Variants in CLTC observed in about 807,000 individuals in gnomAD.
The protein encoded by CLTC is clathrin heavy chain.
A neutral mutation model predicts 195.8 loss-of-function variants in CLTC; 16 were observed. The observed-to-expected ratio is 0.08, with a 90% confidence interval of 0.06 to 0.12. The LOEUF is 0.12. Among genes scored for constraint, CLTC ranks in the 10% least tolerant of loss-of-function variants. The pLI is 1.00. For synonymous variants in CLTC, 667 were observed against 689.4 expected (o/e 0.97, Z 0.51); for missense variants, 796 against 2,027.0 (o/e 0.39, Z 11.66).
At chr17:59,690,360 C>T (rs534010705) in intron 30 of CLTC, 25 of 316,034 alleles carry the variant, frequency 7.9e-5, no homozygotes, top group Non-Finnish European at 1.4e-4. Context: ...TTTCTCCCTC[C>T]CTCAGGCTGC....
At chr17:59,627,290 G>A (rs965087662) in intron 1 of CLTC, among the ~76,000 whole-genome samples, 2 of 152,142 alleles carry the variant, frequency 1.3e-5, no homozygotes, top group Admixed American at 1.3e-4. Context: ...AGTTGTTTGA[G>A]CACCTATTAC....
Position 59,668,818 on chromosome 17 carries a change from G to T in CLTC, c.2170G>T (p.Asp724Tyr). The T allele has an allele frequency of 6.2e-7, 1 of 1,612,150 alleles. No homozygotes were observed. The highest frequency in any genetic ancestry group is 1.1e-5 in the South Asian group (1 of 90,648). Residue 724 changes from aspartate to tyrosine, a missense_variant, in exon 14 of 32, where the codon GAC becomes TAC. Asp to Tyr is a radical substitution (Grantham distance 160). Transcript: ENST00000269122. ...FLGSIVNFSQ[D>Y]PDVHFKYIQA... ...GGGATCCATTGTTAACTTTAGCCAG[G>T]ACCCAGATGTGCACTTTAAATATAT...
In CLTC at chr17:59,666,037, G is replaced by T; in HGVS notation, c.1645-66G>T. 1 of 1,182,790 alleles carries T rather than the reference G, an allele frequency of 8.5e-7. No homozygotes were observed. The highest frequency in any genetic ancestry group is 1.2e-6 in the Non-Finnish European group (1 of 827,270). The allele number at this position is 1,182,790 out of a possible 1,614,324, so 73.3% of individuals were successfully genotyped here. ...ATTCTCAGGTAAAGAAAGAGTTCATGCATAATTTTGTCTACATACTCTCCA... is the reference window on the plus strand; with the variant it reads ...ATTCTCAGGTAAAGAAAGAGTTCATTCATAATTTTGTCTACATACTCTCCA... On this transcript the variant is annotated intron_variant, in intron 10 of 31. Transcript: ENST00000269122. This position sits in a 1 kb window ranked among gnomAD's most constrained non-coding sequence, Gnocchi z 4.9.
At chr17:59,659,183 T>C (rs1264071828) in intron 6 of CLTC, among the ~76,000 whole-genome samples, 1 of 152,064 alleles carries the variant, frequency 6.6e-6, no homozygotes, top group Non-Finnish European at 1.5e-5. Context: ...AATTATACAA[T>C]TATATTAGGT....
At chr17:59,669,116 G>A (rs1371859600) in intron 14 of CLTC, among the ~76,000 whole-genome samples, 176 bp downstream of exon 14, 1 of 151,922 alleles carries the variant, frequency 6.6e-6, no homozygotes. Context: ...TTGAAATACG[G>A]AAGGAAATTG....
Position 59,681,854 on chromosome 17 carries a change from C to T in CLTC, c.3442+15C>T, listed in dbSNP as rs778953370. The T allele has an allele frequency of 2.5e-6, 4 of 1,593,140 alleles. No individual in the cohort carries two copies. Among genetic ancestry groups the T allele is most frequent in the Non-Finnish European group, 3.4e-6 (4 of 1,167,872 alleles). On this transcript the variant is annotated intron_variant, in intron 21 of 31. Transcript: ENST00000269122. This position sits in a 1 kb window ranked among gnomAD's most constrained non-coding sequence, Gnocchi z 5.0. The stretch of plus-strand genomic sequence containing the variant: ...CAATACTAGTGGTATGACTTCTTAC[C>T]TTATGTATTGAAACCTCATAAAATG...
Position 59,666,057 on chromosome 17 carries a change from T to C in CLTC, c.1645-46T>C. On this transcript the variant is annotated intron_variant, in intron 10 of 31. Transcript: ENST00000269122. This position sits in a 1 kb window ranked among gnomAD's most constrained non-coding sequence, Gnocchi z 4.9. ...TTCATGCATAATTTTGTCTACATAC[T>C]CTCCATAGTATCTTAAAACAATTTC... 7.0e-7 allele frequency: 1 copy of C among 1,423,996 alleles called. No homozygotes were observed. Among genetic ancestry groups the C allele is most frequent in the Non-Finnish European group, 9.7e-7 (1 of 1,025,944 alleles). The allele number at this position is 1,423,996 out of a possible 1,614,324, so 88.2% of individuals were successfully genotyped here. A position where few individuals can be genotyped will look rare whatever the true frequency, so the allele number is the denominator to read the frequency against.
chr17:59,679,834 C>T (rs1474937342), intron 18 of CLTC, among the ~76,000 whole-genome samples: 7 of 151,732 alleles, frequency 4.6e-5, no homozygotes, highest in Non-Finnish European at 8.8e-5. Flanking sequence ...TTTGGGAGGC[C>T]GAGGTGGGTG....
Position 59,648,289 on chromosome 17 carries a change from T to C in CLTC, c.569T>C (p.Val190Ala). The C allele has an allele frequency of 6.2e-7, 1 of 1,614,112 alleles. No homozygotes were observed. Among genetic ancestry groups the C allele is most frequent in the South Asian group, 1.1e-5 (1 of 91,084 alleles). ...AMQLYSVDRK[V>A]SQPIEGHAAS... ...CAGCTATATTCTGTAGATAGGAAAG[T>C]GTCTCAGCCCATTGAAGGACATGCA... Residue 190 changes from valine to alanine, a missense_variant, in exon 4 of 32, where the codon GTG becomes GCG. By Grantham distance (64) the Val-to-Ala change is moderately conservative. Transcript: ENST00000269122. The surrounding 1 kb of genome is among the most constrained non-coding windows in gnomAD (Gnocchi z 4.5).
chr17:59,679,253 G>A (rs1029124360), intron 17 of CLTC, 144 bp from the exon 18 acceptor site: 2 of 574,232 alleles, frequency 3.5e-6, no homozygotes, highest in Non-Finnish European at 5.9e-6. Flanking sequence ...TATATTACTG[G>A]TACATGAATC....
intron 14 of CLTC, chr17:59,670,981 T>C (rs2032836338): frequency 6.6e-6 from 1 of 152,224 alleles, no homozygotes; most frequent in African/African-American, 2.4e-5. Flanking sequence ...TCAGGCAAGT[T>C]AATGAATATG....
At position 59,666,202 on chromosome 17, in the gene CLTC, A is replaced by G; in HGVS notation, c.1744A>G (p.Thr582Ala). 1 of 1,614,042 alleles carries G rather than the reference A, an allele frequency of 6.2e-7. No homozygotes were observed. Among genetic ancestry groups the G allele is most frequent in the Non-Finnish European group, 8.5e-7 (1 of 1,179,974 alleles). Residue 582 changes from threonine (T) to alanine (A), a missense_variant, in exon 11 of 32, where the codon ACG becomes GCG. Physicochemically the swap from Thr to Ala is moderately conservative, Grantham distance 58 (BLOSUM62 0). Coordinates refer to ENST00000269122, the MANE Select transcript of CLTC (RefSeq NM_004859.4). This position sits in a 1 kb window ranked among gnomAD's most constrained non-coding sequence, Gnocchi z 4.9. ...NNRPSEGPLQTRLLEMNLMHA... is the reference protein window; with the variant it reads ...NNRPSEGPLQARLLEMNLMHA... Reference sequence around the variant, plus strand: ...TCGCCCATCTGAAGGTCCTTTACAGACGCGGTTACTTGAGATGAACCTTAT... The same window carrying G: ...TCGCCCATCTGAAGGTCCTTTACAGGCGCGGTTACTTGAGATGAACCTTAT...
Position 59,690,623 on chromosome 17 carries a change from T to C in CLTC, c.4828-13T>C, listed in dbSNP as rs765289092. ...TTTTGGGGTGCTAATTAACATGATG[T>C]GTTTTTCTCCAGGTGGATAAATTAG... is the stretch of plus-strand genomic sequence containing the variant. On this transcript the variant is annotated splice_polypyrimidine_tract_variant and intron_variant, in intron 30 of 31. Transcript: ENST00000269122. 3 of 1,599,532 alleles carry C rather than the reference T, an allele frequency of 1.9e-6. No homozygotes were observed. In the South Asian group the frequency reaches 3.3e-5, roughly 18 times the overall value.
rs545004033 is a variant in CLTC at position 59,685,696 on chromosome 17, C to T, written c.4715C>T (p.Thr1572Ile). 1 of 1,614,068 alleles carries T rather than the reference C, an allele frequency of 6.2e-7. No individual in the cohort carries two copies. The highest frequency in any genetic ancestry group is 1.1e-5 in the South Asian group (1 of 91,078). ...GAGTGCTTTGGAGCTTGTCTGTTTA[C>T]CTGTTACGATCTTTTAAGGCCAGAT... The part of the protein sequence containing the change: ...KRECFGACLF[T>I]CYDLLRPDVV... The change falls in exon 30 of 32, where the codon ACC (threonine) becomes ATC (isoleucine). Residue 1572 changes from threonine (T) to isoleucine (I), a missense_variant. Thr to Ile is a moderately conservative substitution (Grantham distance 89). Coordinates refer to ENST00000269122, the MANE Select transcript of CLTC (RefSeq NM_004859.4). This position sits in a 1 kb window ranked among gnomAD's most constrained non-coding sequence, Gnocchi z 5.0.
rs1184372947 is a variant in CLTC, at chr17:59,681,135, C to CA, written c.3065+83dup. 1.3e-6 allele frequency: 2 copies of CA among 1,526,088 alleles called. No individual in the cohort carries two copies. The highest frequency in any genetic ancestry group is 1.8e-6 in the Non-Finnish European group (2 of 1,125,724). 94.5% of individuals were successfully genotyped at this position (1,526,088 alleles called of 1,614,324 possible). A position where few individuals can be genotyped will look rare whatever the true frequency, so the allele number is the denominator to read the frequency against. On this transcript the variant is annotated intron_variant, in intron 19 of 31. Transcript: ENST00000269122. The surrounding 1 kb of genome is among the most constrained non-coding windows in gnomAD (Gnocchi z 5.0). ...ATGGCCCATCAGTTTTGGGAAGGAA[C>CA]AAAAAGATCAGAGAAAGTTGCCTGA...
intron 1 of CLTC, among the ~76,000 whole-genome samples, chr17:59,624,970 C>T (rs1041130793): frequency 7.9e-5 from 12 of 151,630 alleles, no homozygotes. Context: ...ATGCCATGCC[C>T]AGATAAAATT....
At chr17:59,690,936 A>G in intron 31 of CLTC, 1 of 422,066 alleles carries the variant, frequency 2.4e-6, no homozygotes, top group Non-Finnish European at 4.2e-6. Context: ...GTCATTTAAA[A>G]TCATAACATG....
chr17:59,685,712 A>G lies in CLTC; in HGVS notation c.4731A>G (p.Leu1577=). 1 of 1,614,136 alleles carries G rather than the reference A, an allele frequency of 6.2e-7. No individual in the cohort carries two copies. Among genetic ancestry groups the G allele is most frequent in the East Asian group, 2.2e-5 (1 of 44,870 alleles). ...GACLFTCYDL[L]RPDVVLETAW... Reference sequence around the variant, plus strand: ...GTCTGTTTACCTGTTACGATCTTTTAAGGCCAGATGTCGTCCTAGAAACTG... The same window carrying G: ...GTCTGTTTACCTGTTACGATCTTTTGAGGCCAGATGTCGTCCTAGAAACTG... The change falls in exon 30 of 32, where the codon TTA becomes TTG. Residue 1577 remains leucine, a synonymous_variant. Transcript: ENST00000269122. The surrounding 1 kb of genome is among the most constrained non-coding windows in gnomAD (Gnocchi z 5.0).
chr17:59,688,663 C>A (rs143220086), intron 30 of CLTC, among the ~76,000 whole-genome samples: 1 of 152,276 alleles, frequency 6.6e-6, no homozygotes, highest in African/African-American at 2.4e-5. Flanking sequence ...GCCCAAACTT[C>A]CTATGTGTAT....
Sources: gnomAD v4.1 joint callset for allele counts (sites outside exome capture counted in the v4.1 genomes callset) on GRCh38, gnomAD v4.1.1 for gene constraint, Gnocchi (gnomAD v3.1) non-coding constraint, MANE v1.5 for transcripts, NCBI Gene and HGNC (gene_info 2026-07-23, HGNC 2026-07-21) for gene names.